GLIS3: variants seen among roughly 807,000 people sequenced by gnomAD.
GLIS3 encodes the protein GLIS family zinc finger 3, also known as zinc finger protein GLIS3.
A neutral mutation model predicts 78.6 loss-of-function variants in GLIS3; 53 were observed. That is an observed-to-expected ratio of 0.67 (90% confidence interval 0.54 to 0.85). GLIS3 has a LOEUF of 0.85. GLIS3 is among the 40% of genes least tolerant of loss of function. The pLI is 0.00. For missense variants in GLIS3, 1,703 were observed against 1,231.1 expected (o/e 1.38, Z -5.74); for synonymous variants, 684 against 509.9 (o/e 1.34, Z -4.60).
intron 4 of GLIS3, among the ~76,000 whole-genome samples, chr9:4,077,428 G>A (rs563282219): frequency 2.6e-5 from 4 of 152,286 alleles, no homozygotes; most frequent in Non-Finnish European, 4.4e-5. Context: ...GAGGGACTGG[G>A]CATAGTTGGC....
At chr9:4,271,493 C>G (rs1400623652) in intron 2 of GLIS3, among the ~76,000 whole-genome samples, 1 of 152,072 alleles carries the variant, frequency 6.6e-6, no homozygotes, top group Admixed American at 6.5e-5. Flanking sequence ...AAAGTTATCT[C>G]CAGGGAGAAG....
At chr9:4,326,310 T>C (rs1429852684) in intron 2 of GLIS3, among the ~76,000 whole-genome samples, 1 of 152,176 alleles carries the variant, frequency 6.6e-6, no homozygotes, top group African/African-American at 2.4e-5. Context: ...AATCTAAATG[T>C]CCATCAGTGG....
At chr9:3,854,012 C>T (rs774924993) in intron 9 of GLIS3, among the ~76,000 whole-genome samples, 16 of 152,158 alleles carry the variant, frequency 1.1e-4, no homozygotes, top group East Asian at 5.8e-4. Context: ...CAGATTTCAG[C>T]GATGTTAAAA....
the GLIS3 span, among the ~76,000 whole-genome samples, chr9:4,415,763 C>A: frequency 6.6e-6 from 1 of 151,692 alleles, no homozygotes; most frequent in Non-Finnish European, 1.5e-5. Flanking sequence ...CAAAAAATCA[C>A]AGATCATATA....
intron 8 of GLIS3, among the ~76,000 whole-genome samples, chr9:3,858,717 T>C (rs1819956243): frequency 6.6e-6 from 1 of 152,138 alleles, no homozygotes; most frequent in African/African-American, 2.4e-5. Context: ...AAAGAAATAG[T>C]ACAAAAATGT....
At chr9:4,187,478 G>A (rs1478070499) in intron 2 of GLIS3, among the ~76,000 whole-genome samples, 1 of 152,032 alleles carries the variant, frequency 6.6e-6, no homozygotes, top group East Asian at 1.9e-4. Context: ...TGGCGATGTG[G>A]GCTCTTTTTT....
At chr9:3,918,992 T>C (rs1824697915) in intron 6 of GLIS3, among the ~76,000 whole-genome samples, 1 of 152,072 alleles carries the variant, frequency 6.6e-6, no homozygotes, top group Non-Finnish European at 1.5e-5. Context: ...ACCCTACATA[T>C]ATGGAAGAGG....
intron 6 of GLIS3, among the ~76,000 whole-genome samples, chr9:3,908,646 A>G (rs1212025195): frequency 6.6e-6 from 1 of 151,146 alleles, no homozygotes; most frequent in Non-Finnish European, 1.5e-5. Flanking sequence ...CTTCCCTAAC[A>G]ATGCGGGGAT....
At chr9:3,911,759 G>C (rs957911521) in intron 6 of GLIS3, among the ~76,000 whole-genome samples, 2 of 152,108 alleles carry the variant, frequency 1.3e-5, no homozygotes, top group African/African-American at 2.4e-5. Flanking sequence ...GCTGTTGTTA[G>C]GGATAACATG....
At chr9:3,886,914 G>T (rs1822118519) in intron 7 of GLIS3, among the ~76,000 whole-genome samples, 1 of 152,126 alleles carries the variant, frequency 6.6e-6, no homozygotes, top group African/African-American at 2.4e-5. Context: ...GAAGGAGCTG[G>T]TTTTCTTTTT....
the GLIS3 span, among the ~76,000 whole-genome samples, chr9:4,453,091 G>A: frequency 6.6e-6 from 1 of 152,106 alleles, no homozygotes; most frequent in African/African-American, 2.4e-5. Context: ...CATGGTGCTA[G>A]GAAAACTGAC....
chr9:4,393,151 C>G, the GLIS3 span, among the ~76,000 whole-genome samples: 1 of 152,074 alleles, frequency 6.6e-6, no homozygotes, highest in African/African-American at 2.4e-5. Context: ...CTCTGTATAT[C>G]TTTTACACAG....
At chr9:4,055,396 C>G (rs931495107) in intron 4 of GLIS3, among the ~76,000 whole-genome samples, 1 of 152,174 alleles carries the variant, frequency 6.6e-6, no homozygotes, top group African/African-American at 2.4e-5. Flanking sequence ...GTATCACTGG[C>G]AAGCCCCTTT....
chr9:4,278,890 T>C (rs1827263823), intron 2 of GLIS3, among the ~76,000 whole-genome samples: 1 of 152,250 alleles, frequency 6.6e-6, no homozygotes, highest in Admixed American at 6.5e-5. Context: ...ATGCAATGTG[T>C]GGTACACAAA....
At chr9:4,464,945 T>C in the GLIS3 span, among the ~76,000 whole-genome samples, 1 of 152,350 alleles carries the variant, frequency 6.6e-6, no homozygotes, top group South Asian at 2.1e-4. Flanking sequence ...CTGTCACTGG[T>C]AGCTAGTATA....
At chr9:4,160,460 G>A (rs1045239946) in intron 2 of GLIS3, among the ~76,000 whole-genome samples, 5 of 152,214 alleles carry the variant, frequency 3.3e-5, no homozygotes, top group South Asian at 4.1e-4. Flanking sequence ...CCCGCACAGC[G>A]GCAGGCCTGG....
intron 4 of GLIS3, among the ~76,000 whole-genome samples, chr9:4,029,604 C>A (rs1259791721): frequency 2.6e-5 from 4 of 152,052 alleles, no homozygotes; most frequent in Admixed American, 2.6e-4. Flanking sequence ...CCAAGCCCCC[C>A]ACCACCCTTC....
the GLIS3 span, among the ~76,000 whole-genome samples, chr9:4,469,192 C>T: frequency 2.0e-5 from 3 of 152,058 alleles, no homozygotes; most frequent in African/African-American, 4.8e-5. Flanking sequence ...TAATGGGAGA[C>T]TTTAACACCC....
chr9:3,978,832 G>C (rs1030245298), intron 4 of GLIS3, among the ~76,000 whole-genome samples: 3 of 152,082 alleles, frequency 2.0e-5, no homozygotes, highest in East Asian at 3.9e-4. Flanking sequence ...CTACATCCTT[G>C]AGTTCCACAT....
Sources: allele counts gnomAD v4.1 joint callset (sites outside exome capture counted in the v4.1 genomes callset), GRCh38; gene constraint gnomAD v4.1.1; transcripts MANE v1.5; gene names NCBI Gene and HGNC (gene_info 2026-07-23, HGNC 2026-07-21).